The following CD8B2 variants were observed in gnomAD, a reference collection of about 807,000 sequenced individuals.
CD8B2 encodes CD8B family member 2, also known as T-cell surface glycoprotein CD8 beta-2 chain.
In CD8B2, 11 loss-of-function variants were observed where a neutral mutation model predicts 23.7. The ratio of observed to expected loss-of-function variants is 0.46; its 90% CI spans 0.29 to 0.77. The LOEUF (loss-of-function observed/expected upper bound fraction) is 0.77, where lower values mean the gene tolerates loss of function less well. Ranked by LOEUF, CD8B2 falls within the 30% of genes least tolerant of loss-of-function variation. The pLI is 0.09. For synonymous variants in CD8B2, 90 were observed against 109.3 expected (o/e 0.82, Z 1.10); for missense variants, 197 against 270.5 (o/e 0.73, Z 1.91).
chr2:106,513,641 C>T (rs1679680019), downstream of CD8B2, among the ~76,000 whole-genome samples: 1 of 151,580 alleles, frequency 6.6e-6, no homozygotes, highest in African/African-American at 2.4e-5. Context: ...ATCCTGCAAG[C>T]CTGAAGCTGC....
At chr2:106,512,669 T>C (rs191526465), downstream of CD8B2, among the ~76,000 whole-genome samples, 1 of 152,054 alleles carries the variant, frequency 6.6e-6, no homozygotes, top group Non-Finnish European at 1.5e-5. Context: ...GGTCTCAAAC[T>C]CCTGAGCTCA....
chr2:106,489,330 A>C (rs1679146887), intron 1 of CD8B2, among the ~76,000 whole-genome samples: 1 of 151,488 alleles, frequency 6.6e-6, no homozygotes, highest in African/African-American at 2.4e-5. Context: ...ATGCGAGCGA[A>C]AGCTAAGAGT....
intron 1 of CD8B2, among the ~76,000 whole-genome samples, chr2:106,487,918 G>C (rs963896881): frequency 7.9e-5 from 12 of 152,050 alleles, no homozygotes; most frequent in Non-Finnish European, 1.8e-4. Context: ...ACAAACATGG[G>C]GCGTTCTCAG....
At chr2:106,530,054 G>A (rs566705961) in intron 5 of CD8B2, among the ~76,000 whole-genome samples, 3 of 152,222 alleles carry the variant, frequency 2.0e-5, no homozygotes, top group Admixed American at 1.3e-4. Context: ...AACTGGAATG[G>A]GTTGTAGGAA....
At chr2:106,512,743 T>A (rs977019312), downstream of CD8B2, among the ~76,000 whole-genome samples, 1 of 152,156 alleles carries the variant, frequency 6.6e-6, no homozygotes, top group African/African-American at 2.4e-5. Flanking sequence ...CCATGCCCAA[T>A]CCCTTAAGTT....
In CD8B2 at chr2:106,507,228, C is replaced by T. The variant is rs1679527543; in HGVS notation, c.*288C>T. ...GCTGCCCATGCCACCGCTTCCGGCT[C>T]CTGTGCTTTCCCTGAGCTGGGACCT... is the stretch of plus-strand genomic sequence containing the variant. On this transcript the variant is annotated 3_prime_UTR_variant, in exon 6 of 6. Coordinates refer to ENST00000643224, the MANE Select transcript of CD8B2 (RefSeq NM_001349727.2). 2.0e-5 allele frequency: 25 copies of T among 1,228,312 alleles called. No homozygotes were observed. Among genetic ancestry groups the T allele is most frequent in the Non-Finnish European group, 2.4e-5 (24 of 980,168 alleles). 76.1% of individuals were successfully genotyped at this position (1,228,312 alleles called of 1,614,324 possible). A position where few individuals can be genotyped will look rare whatever the true frequency, so the allele number is the denominator to read the frequency against.
chr2:106,536,688 A>G (rs914031139), intron 5 of CD8B2, among the ~76,000 whole-genome samples: 3 of 152,328 alleles, frequency 2.0e-5, no homozygotes, highest in Admixed American at 6.5e-5. Context: ...CCAGCTCATG[A>G]GGTGCAGGTG....
downstream of CD8B2, among the ~76,000 whole-genome samples, chr2:106,515,080 C>T (rs529542509): frequency 1.3e-5 from 2 of 152,318 alleles, no homozygotes; most frequent in East Asian, 1.9e-4. Context: ...AATCTCCTTT[C>T]GCAACACTCT....
At chr2:106,533,034 G>A (rs1467151586) in intron 5 of CD8B2, among the ~76,000 whole-genome samples, 1 of 152,298 alleles carries the variant, frequency 6.6e-6, no homozygotes, top group East Asian at 1.9e-4. Context: ...GACAAGGAGT[G>A]GCAATACTTG....
At chr2:106,496,152 T>C (rs1679295318) in intron 2 of CD8B2, 21 bp from the exon 3 acceptor site, 4 of 1,545,078 alleles carry the variant, frequency 2.6e-6, no homozygotes, top group Non-Finnish European at 3.5e-6. Flanking sequence ...CTAAGATATG[T>C]GTCTTGCTTT....
At chr2:106,541,480 C>T (rs975226515) in intron 5 of CD8B2, among the ~76,000 whole-genome samples, 6 of 152,110 alleles carry the variant, frequency 3.9e-5, no homozygotes, top group Non-Finnish European at 7.3e-5. Context: ...TGGCATCTAG[C>T]GGATATGTTG....
chr2:106,523,148 TC>T (rs2104569483), intron 5 of CD8B2, among the ~76,000 whole-genome samples: 1 of 152,096 alleles, frequency 6.6e-6, no homozygotes, highest in East Asian at 1.9e-4. Flanking sequence ...GGAGAAAAAT[TC>T]CCCGAACACA....
Position 106,496,036 on chromosome 2 carries a change from T to C in CD8B2, c.404-137T>C. ...CTGGTCTCAACCTCCCGAGCTCAAA[T>C]GATCTCCTGCCTTGGCCTCCGGAAG... On this transcript the variant is annotated intron_variant, in intron 2 of 5. Transcript: ENST00000643224. 2.1e-6 allele frequency: 3 copies of C among 1,426,208 alleles called. No homozygotes were observed. In the South Asian group the frequency reaches 3.9e-5, roughly 19 times the overall value. 88.3% of individuals were successfully genotyped at this position (1,426,208 alleles called of 1,614,324 possible).
downstream of CD8B2, among the ~76,000 whole-genome samples, chr2:106,511,793 C>T (rs1412188515): frequency 2.0e-5 from 3 of 152,186 alleles, no homozygotes; most frequent in Non-Finnish European, 4.4e-5. Context: ...AACCGTGAGT[C>T]ACTGGTTCCT....
chr2:106,504,584 T>A (rs1196480344), intron 5 of CD8B2, among the ~76,000 whole-genome samples: 27 of 151,190 alleles, frequency 1.8e-4, no homozygotes, highest in African/African-American at 4.9e-5. Context: ...AGACCCCATC[T>A]AAAAAAAAAT....
chr2:106,527,804 A>AG (rs1365755111), intron 5 of CD8B2, among the ~76,000 whole-genome samples: 2 of 51,522 alleles, frequency 3.9e-5, no homozygotes, highest in African/African-American at 1.4e-4. Context: ...AAAACAAAAC[A>AG]AAAAACAAAC....
chr2:106,497,051 G>A (rs1282763396), intron 3 of CD8B2, among the ~76,000 whole-genome samples: 1 of 152,216 alleles, frequency 6.6e-6, no homozygotes, highest in Non-Finnish European at 1.5e-5. Context: ...CAGATGGGTG[G>A]ATCGCCTTGA....
At chr2:106,488,346 A>G (rs1286489704) in intron 1 of CD8B2, among the ~76,000 whole-genome samples, 1 of 151,598 alleles carries the variant, frequency 6.6e-6, no homozygotes, top group Non-Finnish European at 1.5e-5. Flanking sequence ...ACCGAGGGGA[A>G]CATGCAGTGA....
In CD8B2 at chr2:106,504,232, G is replaced by T. The variant is rs1300371429; in HGVS notation, c.584-57G>T. On this transcript the variant is annotated intron_variant, in intron 4 of 5. Coordinates refer to ENST00000643224, the MANE Select transcript of CD8B2 (RefSeq NM_001349727.2). ...GTGACAATCCTCCTTGGCCTCTGGG[G>T]CTCAGCACAGTGACCCACAGCCCAC... 9 of 1,551,870 alleles carry T rather than the reference G, an allele frequency of 5.8e-6. No individual in the cohort carries two copies. In the Admixed American group the frequency reaches 1.6e-4, roughly 27 times the overall value.
Sources: allele counts gnomAD v4.1 joint callset (sites outside exome capture counted in the v4.1 genomes callset), GRCh38; gene constraint gnomAD v4.1.1; transcripts MANE v1.5; gene names NCBI Gene and HGNC (gene_info 2026-07-23, HGNC 2026-07-21).